PDILT: variants seen among roughly 807,000 people sequenced by gnomAD.
The protein encoded by PDILT is protein disulfide-isomerase-like protein of the testis.
PDILT carries 43 observed loss-of-function variants against 53.7 expected under a neutral mutation model. That is an observed-to-expected ratio of 0.80 (90% CI 0.63 to 1.03). The LOEUF is 1.03. Ranked by LOEUF, PDILT falls within the 50% of genes least tolerant of loss-of-function variation. The probability of loss-of-function intolerance (pLI) is 0.00; values close to 1 mark genes in which losing one functional copy is unlikely to be tolerated. For missense variants in PDILT, 727 were observed against 712.3 expected, an observed-to-expected ratio of 1.02 and a Z score of -0.24; for synonymous variants, 282 against 274.2, an observed-to-expected ratio of 1.03 and a Z score of -0.28.
At chr16:20,383,490 A>G (rs1022984884) in intron 3 of PDILT, among the ~76,000 whole-genome samples, 16 of 96,398 alleles carry the variant, frequency 1.7e-4, no homozygotes, top group Middle Eastern at 4.5e-3. Flanking sequence ...ACCCTCCCAC[A>G]AGCCTGCTGG....
chr16:20,393,696 C>T (rs762237553), intron 2 of PDILT, among the ~76,000 whole-genome samples: 7 of 152,002 alleles, frequency 4.6e-5, no homozygotes, highest in Non-Finnish European at 7.4e-5. Context: ...TTTGGAAGAC[C>T]GAATTTCTGG....
intron 5 of PDILT, among the ~76,000 whole-genome samples, chr16:20,373,906 T>C (rs1441120904): frequency 1.3e-5 from 2 of 152,324 alleles, no homozygotes; most frequent in Middle Eastern, 3.4e-3. Context: ...GCTCTTCAAT[T>C]TAACTTGTTT....
intron 10 of PDILT, among the ~76,000 whole-genome samples, chr16:20,361,968 A>G (rs4496151): frequency 0.57 from 87,031 of 152,082 alleles, 25,718 homozygotes; most frequent in Middle Eastern, 0.62. Flanking sequence ...GGTTATGGCC[A>G]ATGACTGTAA....
At chr16:20,389,986 A>G (rs1966588746) in intron 2 of PDILT, among the ~76,000 whole-genome samples, 1 of 152,164 alleles carries the variant, frequency 6.6e-6, no homozygotes, top group Non-Finnish European at 1.5e-5. Flanking sequence ...ACATTCTACA[A>G]TGCTCAGGAC....
intron 1 of PDILT, among the ~76,000 whole-genome samples, chr16:20,400,072 A>ATATTTTTT (rs753235349): frequency 8.0e-5 from 11 of 137,428 alleles, no homozygotes; most frequent in South Asian, 2.4e-4. Context: ...ATATATATAT[A>ATATTTTTT]TTTTTTGAGA....
At chr16:20,368,593 AC>A (rs1966252475) in intron 8 of PDILT, among the ~76,000 whole-genome samples, 1 of 117,932 alleles carries the variant, frequency 8.5e-6, no homozygotes, top group Admixed American at 7.8e-5. Flanking sequence ...ATTGTTCCAG[AC>A]TTTTTTTGGG....
At position 20,372,887 on chromosome 16, in the gene PDILT, A is replaced by G; in HGVS notation, c.833T>C (p.Met278Thr). ...LISELHIMSH[M>T]LLFVSKSSES... ...GGAGCTTTTGGAGACAAACAGCAGC[A>G]TGTGACTCATGATGTGCAACTCGGA... The change falls in exon 7 of 12, where the codon ATG (methionine) becomes ACG (threonine). Residue 278 changes from methionine (M) to threonine (T), a missense_variant. Coordinates refer to ENST00000302451, the MANE Select transcript of PDILT (RefSeq NM_174924.2). 6.2e-7 allele frequency: 1 copy of G among 1,614,140 alleles called. No individual in the cohort carries two copies. The highest frequency in any genetic ancestry group is 8.5e-7 in the Non-Finnish European group (1 of 1,179,978).
At chr16:20,401,088 A>G (rs79082640) in intron 1 of PDILT, among the ~76,000 whole-genome samples, 1,882 of 152,294 alleles carry the variant, frequency 0.012, 33 homozygotes, top group African/African-American at 0.043. Context: ...GCAAGTGGAG[A>G]AAAGGAAGAA....
chr16:20,361,319 G>A (rs1370187814), intron 10 of PDILT, among the ~76,000 whole-genome samples: 1 of 151,376 alleles, frequency 6.6e-6, no homozygotes, highest in African/African-American at 2.4e-5. Context: ...CTGAGTAGCT[G>A]GGACTACAGG....
At chr16:20,372,619 T>A (rs1230901407) in intron 7 of PDILT, among the ~76,000 whole-genome samples, 183 bp downstream of exon 7, 1 of 152,190 alleles carries the variant, frequency 6.6e-6, no homozygotes, top group African/African-American at 2.4e-5. Flanking sequence ...GAAGGCATAT[T>A]TAAAATTAAA....
At chr16:20,365,651 G>A (rs1390953320) in intron 8 of PDILT, 111 bp from the exon 9 acceptor site, 9 of 1,350,620 alleles carry the variant, frequency 6.7e-6, no homozygotes, top group Non-Finnish European at 9.2e-6. Flanking sequence ...TTTTTCACAA[G>A]AGCCTTAGGA....
chr16:20,373,994 G>A (rs953499748), intron 5 of PDILT, among the ~76,000 whole-genome samples: 1 of 152,018 alleles, frequency 6.6e-6, no homozygotes, highest in African/African-American at 2.4e-5. Flanking sequence ...CTGTTGCCCA[G>A]GCTGGAGTAC....
chr16:20,361,606 C>A (rs1966101910), intron 10 of PDILT, among the ~76,000 whole-genome samples: 1 of 152,200 alleles, frequency 6.6e-6, no homozygotes, highest in East Asian at 1.9e-4. Flanking sequence ...AGTAACACAA[C>A]TCCCCGACAT....
intron 3 of PDILT, among the ~76,000 whole-genome samples, chr16:20,383,985 C>T (rs1184663682): frequency 3.9e-5 from 6 of 152,144 alleles, no homozygotes; most frequent in Non-Finnish European, 7.3e-5. Flanking sequence ...AATGAATGAA[C>T]GAGTTAATCA....
In PDILT at chr16:20,376,205, G is replaced by C. The variant is rs1189585291; in HGVS notation, c.410-4C>G. On this transcript the variant is annotated splice_region_variant and splice_polypyrimidine_tract_variant and intron_variant, in intron 3 of 11. Transcript: ENST00000302451. ...AAGGCAGCAGATTCAACCACTCCTG[G>C]AGAAAGACACAGTCAAATAGATACC... 2 of 1,614,014 alleles carry C rather than the reference G, an allele frequency of 1.2e-6. No homozygotes were observed. Among genetic ancestry groups the C allele is most frequent in the African/African-American group, 1.3e-5 (1 of 75,036 alleles).
In PDILT at chr16:20,372,993, G is replaced by A; in HGVS notation, c.792+19C>T. The A allele has an allele frequency of 6.2e-7, 1 of 1,613,584 alleles. No individual in the cohort carries two copies. Among genetic ancestry groups the A allele is most frequent in the African/African-American group, 1.3e-5 (1 of 74,964 alleles). The stretch of plus-strand genomic sequence containing the variant: ...GTGGCCCCAGCTCCCCTTCCTCCGG[G>A]GACCATTTACTCACTGACCTCAGTG... On this transcript the variant is annotated intron_variant, in intron 6 of 11. Coordinates refer to ENST00000302451, the MANE Select transcript of PDILT (RefSeq NM_174924.2).
At chr16:20,361,542 C>A (rs1321580775) in intron 10 of PDILT, among the ~76,000 whole-genome samples, 1 of 152,130 alleles carries the variant, frequency 6.6e-6, no homozygotes, top group Non-Finnish European at 1.5e-5. Flanking sequence ...ACCTAAGCTT[C>A]TTTTCAGATA....
chr16:20,364,395 AG>A (rs1332658656), intron 9 of PDILT, among the ~76,000 whole-genome samples: 1 of 152,206 alleles, frequency 6.6e-6, no homozygotes, highest in Non-Finnish European at 1.5e-5. Flanking sequence ...AGAAAGTAAT[AG>A]CACTAGAGCT....
rs56236146 is a variant in PDILT at position 20,372,995 on chromosome 16, A to G, written c.792+17T>C. On this transcript the variant is annotated intron_variant, in intron 6 of 11. Transcript: ENST00000302451. ...GGCCCCAGCTCCCCTTCCTCCGGGG[A>G]CCATTTACTCACTGACCTCAGTGTT... 2.5e-3 allele frequency: 4,026 copies of G among 1,613,750 alleles called. 8 individuals are homozygous for G. Among genetic ancestry groups the G allele is most frequent in the Non-Finnish European group, 3.0e-3 (3,558 of 1,179,706 alleles).
Sources: gnomAD v4.1 joint callset for allele counts (sites outside exome capture counted in the v4.1 genomes callset) on GRCh38, gnomAD v4.1.1 for gene constraint, MANE v1.5 for transcripts, NCBI Gene and HGNC (gene_info 2026-07-23, HGNC 2026-07-21) for gene names.